The following KDM6B variants were observed in gnomAD, a reference collection of about 807,000 sequenced individuals.
KDM6B encodes lysine demethylase 6B.
A neutral mutation model predicts 150.4 loss-of-function variants in KDM6B; 22 were observed. That is an observed-to-expected ratio of 0.15 (90% CI 0.10 to 0.21). The LOEUF (loss-of-function observed/expected upper bound fraction) is 0.21, where lower values mean the gene tolerates loss of function less well. Among genes scored for constraint, KDM6B ranks in the 10% least tolerant of loss-of-function variants. The pLI is 1.00. For synonymous variants in KDM6B, 1,148 were observed against 921.1 expected, an observed-to-expected ratio of 1.25 and a Z score of -4.46; for missense variants, 1,984 against 2,234.3, an observed-to-expected ratio of 0.89 and a Z score of 2.26.
At position 7,849,110 on chromosome 17, in the gene KDM6B, C is replaced by T. The variant is rs533869113; in HGVS notation, c.2822C>T (p.Thr941Ile). Residue 941 changes from threonine (T) to isoleucine (I), a missense_variant, in exon 12 of 24, where the codon ACA becomes ATA. Transcript: ENST00000448097. ...SATDPADPVD[T>I]AEPADSGTER... ...ACTGACCCAGCCGACCCAGTGGACA[C>T]AGCAGAGCCAGCGGACAGTGGGACT... 6.8e-6 allele frequency: 11 copies of T among 1,612,340 alleles called. No homozygotes were observed. Among genetic ancestry groups the T allele is most frequent in the East Asian group, 4.5e-5 (2 of 44,872 alleles).
chr17:7,853,797 G>C lies in KDM6B; in HGVS notation c.*276G>C, dbSNP rs1339115322. The C allele has an allele frequency of 1.1e-5, 3 of 261,538 alleles. No individual in the cohort carries two copies. Among genetic ancestry groups the C allele is most frequent in the Non-Finnish European group, 2.1e-5 (3 of 139,860 alleles). 16.2% of individuals were successfully genotyped at this position (261,538 alleles called of 1,614,324 possible). ...CCCCTCACCGACTTTGGCCTTTTTA[G>C]CAACAGACACAAGGACCAGGCTCCG... is the stretch of plus-strand genomic sequence containing the variant. On this transcript the variant is annotated 3_prime_UTR_variant, in exon 24 of 24. Transcript: ENST00000448097.
At chr17:7,835,806 G>A (rs1273754016) in intron 1 of KDM6B, among the ~76,000 whole-genome samples, 2 of 151,686 alleles carry the variant, frequency 1.3e-5, no homozygotes, top group Non-Finnish European at 2.9e-5. Flanking sequence ...GGCGAGCCGG[G>A]CGCCCCCCTC....
Position 7,848,955 on chromosome 17 carries a change from C to A in KDM6B, c.2667C>A (p.Val889=). The change falls in exon 12 of 24, where the codon GTC becomes GTA. Residue 889 remains valine (V), a synonymous_variant. Transcript: ENST00000448097. The stretch of plus-strand genomic sequence containing the variant: ...AGCGCAGGGCGGGCGAAGAGCCAGT[C>A]CCGGGCCCCATGACCCCCACCCAAC... ...ARERRAGEEP[V]PGPMTPTQPP... 1 of 1,586,532 alleles carries A rather than the reference C, an allele frequency of 6.3e-7. No homozygotes were observed. The highest frequency in any genetic ancestry group is 8.6e-7 in the Non-Finnish European group (1 of 1,166,140).
chr17:7,851,033 T>C lies in KDM6B; in HGVS notation c.3686T>C (p.Phe1229Ser), dbSNP rs1253972276. Residue 1229 changes from phenylalanine to serine, a missense_variant, in exon 15 of 24, where the codon TTC (phenylalanine) becomes TCC (serine). Transcript: ENST00000448097. ...CCCTCCCTTCCAGACTTGGGCCTCT[T>C]CTCCACCAAGACCCTGGTGGAAGCG... ...AGSLRLNLGLFSTKTLVEASG... is the reference protein window; with the variant it reads ...AGSLRLNLGLSSTKTLVEASG... The C allele has an allele frequency of 6.2e-7, 1 of 1,608,124 alleles. No individual in the cohort carries two copies. The highest frequency in any genetic ancestry group is 1.7e-5 in the Admixed American group (1 of 59,090).
In KDM6B at chr17:7,854,764, A is replaced by C; in HGVS notation, c.*1243A>C. 1.6e-5 allele frequency: 5 copies of C among 317,306 alleles called. No individual in the cohort carries two copies. The highest frequency in any genetic ancestry group is 1.3e-4 in the East Asian group (2 of 14,826). The allele number at this position is 317,306 out of a possible 1,614,324, so 19.7% of individuals were successfully genotyped here. ...TATTTTCGGTGATTTTTGTGTGAGA[A>C]TATTAATATTAAAAATAAACGGAGA... is the stretch of plus-strand genomic sequence containing the variant. On this transcript the variant is annotated 3_prime_UTR_variant, in exon 24 of 24. Transcript: ENST00000448097.
intron 2 of KDM6B, among the ~76,000 whole-genome samples, chr17:7,841,599 A>C (rs1306039494): frequency 6.6e-6 from 1 of 152,226 alleles, no homozygotes; most frequent in East Asian, 1.9e-4. Context: ...GGAACGCGTC[A>C]GACACAGGCA....
intron 14 of KDM6B, 77 bp from the exon 15 acceptor site, chr17:7,850,944 A>G: frequency 7.7e-7 from 1 of 1,302,846 alleles, no homozygotes; most frequent in South Asian, 1.3e-5. Context: ...GAGGAGTAGG[A>G]AGGGAAAGGG....
At position 7,845,327 on chromosome 17, in the gene KDM6B, A is replaced by G. The variant is rs1040897830; in HGVS notation, c.-135A>G. On this transcript the variant is annotated 5_prime_UTR_variant, in exon 4 of 24. Coordinates refer to ENST00000448097, the MANE Select transcript of KDM6B (RefSeq NM_001348716.2). ...CCTTCTCTCTAGAATTGGCTGTGAAAGGACTGAGGCAGCCATCTGGGGGTA... is the reference window on the plus strand; with the variant it reads ...CCTTCTCTCTAGAATTGGCTGTGAAGGGACTGAGGCAGCCATCTGGGGGTA... 2 of 628,668 alleles carry G rather than the reference A, an allele frequency of 3.2e-6. No individual in the cohort carries two copies. The highest frequency in any genetic ancestry group is 2.7e-5 in the East Asian group (1 of 36,482). The allele number at this position is 628,668 out of a possible 1,614,324, so 38.9% of individuals were successfully genotyped here.
chr17:7,849,643 A>T lies in KDM6B; in HGVS notation c.3355A>T (p.Ile1119Phe). 6.2e-7 allele frequency: 1 copy of T among 1,611,268 alleles called. No homozygotes were observed. The highest frequency in any genetic ancestry group is 8.5e-7 in the Non-Finnish European group (1 of 1,180,000). Residue 1119 changes from isoleucine to phenylalanine, a missense_variant, in exon 12 of 24, where the codon ATC becomes TTC. Transcript: ENST00000448097. ...AGAGAGTGGTGACAAGGAGACCTTT[A>T]TCGCCTCTGAGGTGGAAGAGCGGCG... ...KVESGDKETF[I>F]ASEVEERRLR...
At chr17:7,837,289 G>GA (rs2078347049) in intron 1 of KDM6B, among the ~76,000 whole-genome samples, 1 of 151,628 alleles carries the variant, frequency 6.6e-6, no homozygotes, top group South Asian at 2.1e-4. Context: ...GTGTAGTATG[G>GA]GGGGGGGTTC....
In KDM6B at chr17:7,852,170, G is replaced by A; in HGVS notation, c.4302G>A (p.Thr1434=). The change falls in exon 20 of 24, where the codon ACG becomes ACA. Residue 1434 remains threonine (T), a synonymous_variant. Coordinates refer to ENST00000448097, the MANE Select transcript of KDM6B (RefSeq NM_001348716.2). ...GCAGGCACGGCGTGGACTACTTGACGGGTTCCTGGTGGCCAATCCTGGATG... is the reference window on the plus strand; with the variant it reads ...GCAGGCACGGCGTGGACTACTTGACAGGTTCCTGGTGGCCAATCCTGGATG... The part of the protein sequence containing the change: ...FCDRHGVDYL[T]GSWWPILDDL... The A allele has an allele frequency of 2.5e-6, 4 of 1,614,118 alleles. No homozygotes were observed. Among genetic ancestry groups the A allele is most frequent in the Non-Finnish European group, 2.5e-6 (3 of 1,180,040 alleles).
intron 2 of KDM6B, chr17:7,840,795 G>C (rs1567783611): frequency 1.3e-5 from 2 of 152,202 alleles, no homozygotes; most frequent in Non-Finnish European, 2.9e-5. Context: ...TGGTGGATTT[G>C]TGTTGAATAA....
intron 7 of KDM6B, 23 bp from the exon 8 acceptor site, chr17:7,846,377 G>GGGCGGC: frequency 3.4e-6 from 5 of 1,479,478 alleles, no homozygotes; most frequent in South Asian, 1.2e-5. Context: ...ATCTGCCCCT[G>GGGCGGC]CCCCGTGTCC....
chr17:7,849,095 C>G lies in KDM6B; in HGVS notation c.2807C>G (p.Ala936Gly). ...ERVGRSATDP[A>G]DPVDTAEPAD... is the part of the protein sequence containing the mutation. ...GTGGGCCGGAGTGCCACTGACCCAGCCGACCCAGTGGACACAGCAGAGCCA... is the reference window on the plus strand; with the variant it reads ...GTGGGCCGGAGTGCCACTGACCCAGGCGACCCAGTGGACACAGCAGAGCCA... The change falls in exon 12 of 24, where the codon GCC (alanine) becomes GGC (glycine). Residue 936 changes from alanine to glycine, a missense_variant. By Grantham distance (60) the Ala-to-Gly change is moderately conservative. Coordinates refer to ENST00000448097, the MANE Select transcript of KDM6B (RefSeq NM_001348716.2). 6.2e-7 allele frequency: 1 copy of G among 1,612,466 alleles called. No individual in the cohort carries two copies. Among genetic ancestry groups the G allele is most frequent in the Non-Finnish European group, 8.5e-7 (1 of 1,179,914 alleles).
chr17:7,840,506 C>T (rs1482816418), intron 2 of KDM6B: 2 of 152,262 alleles, frequency 1.3e-5, no homozygotes, highest in Non-Finnish European at 2.9e-5. Context: ...CCTTCCAGAT[C>T]TCTTTCAGTC....
chr17:7,853,667 T>A lies in KDM6B; in HGVS notation c.*146T>A. The A allele has an allele frequency of 2.2e-6, 1 of 460,752 alleles. No individual in the cohort carries two copies. The highest frequency in any genetic ancestry group is 3.4e-6 in the Non-Finnish European group (1 of 296,494). The allele number at this position is 460,752 out of a possible 1,614,324, so 28.5% of individuals were successfully genotyped here. On this transcript the variant is annotated 3_prime_UTR_variant, in exon 24 of 24. Transcript: ENST00000448097. ...CCCATTGGCAGCTCCCCTCACTTAA[T>A]TTATTAAGAAAAACTTTTTTTTTTT...
chr17:7,848,979 A>ACCCCC lies in KDM6B; in HGVS notation c.2693_2694insCCCCC (p.Pro900ArgfsTer17). 1 of 1,518,710 alleles carries ACCCCC rather than the reference A, an allele frequency of 6.6e-7. No homozygotes were observed. The highest frequency in any genetic ancestry group is 9.0e-7 in the Non-Finnish European group (1 of 1,113,414). The allele number at this position is 1,518,710 out of a possible 1,614,324, so 94.1% of individuals were successfully genotyped here. On this transcript the variant is annotated frameshift_variant, in exon 12 of 24. Coordinates refer to ENST00000448097, the MANE Select transcript of KDM6B (RefSeq NM_001348716.2). LOFTEE classifies it high-confidence loss of function. ...TCCCGGGCCCCATGACCCCCACCCA[A>ACCCCC]CCGCCCCCACCCCTATCTCTGCCCC... is the stretch of plus-strand genomic sequence containing the variant.
chr17:7,846,810 C>A lies in KDM6B; in HGVS notation c.712-9C>A, dbSNP rs377143475. 6.2e-6 allele frequency: 10 copies of A among 1,613,558 alleles called. No homozygotes were observed. In the East Asian group the frequency reaches 2.2e-4, roughly 36 times the overall value. The stretch of plus-strand genomic sequence containing the variant: ...GGGAATGGGATTCTCACACTCTCTT[C>A]TCTCCTAGACTGGCCTTCCCCCAGG... On this transcript the variant is annotated splice_polypyrimidine_tract_variant and intron_variant, in intron 9 of 23. Coordinates refer to ENST00000448097, the MANE Select transcript of KDM6B (RefSeq NM_001348716.2).
At position 7,848,706 on chromosome 17, in the gene KDM6B, C is replaced by T. The variant is rs2078621560; in HGVS notation, c.2418C>T (p.Ser806=). 1 of 1,612,876 alleles carries T rather than the reference C, an allele frequency of 6.2e-7. No homozygotes were observed. Among genetic ancestry groups the T allele is most frequent in the African/African-American group, 1.3e-5 (1 of 74,874 alleles). ...CCAGCCCGGCCAGCCTGCTCAAATC[C>T]TTGGCCTCCGTGCTGGAGGGACAAA... is the stretch of plus-strand genomic sequence containing the variant. The part of the protein sequence containing the change: ...PPPSPASLLK[S]LASVLEGQKY... The change falls in exon 12 of 24, where the codon TCC becomes TCT. Residue 806 remains serine (S), a synonymous_variant. Coordinates refer to ENST00000448097, the MANE Select transcript of KDM6B (RefSeq NM_001348716.2).
Sources: allele counts gnomAD v4.1 joint callset (sites outside exome capture counted in the v4.1 genomes callset), GRCh38; gene constraint gnomAD v4.1.1; transcripts MANE v1.5; gene names NCBI Gene and HGNC (gene_info 2026-07-23, HGNC 2026-07-21).